The following TNFRSF11B variants were observed in gnomAD, a reference collection of about 807,000 sequenced individuals.
The protein encoded by TNFRSF11B is TNF receptor superfamily member 11b.
Under a neutral mutation model 43.4 loss-of-function variants are expected in TNFRSF11B, and 16 were observed. That is an observed-to-expected ratio of 0.37 (90% CI 0.25 to 0.56). TNFRSF11B has a LOEUF of 0.56. Among genes scored for constraint, TNFRSF11B ranks in the 20% least tolerant of loss-of-function variants. TNFRSF11B has a pLI of 0.80. For synonymous variants in TNFRSF11B, 185 were observed against 181.8 expected (o/e 1.02, Z -0.14); for missense variants, 444 against 490.1 (o/e 0.91, Z 0.89).
At chr8:118,947,408 T>C (rs1315213703) in intron 1 of TNFRSF11B, among the ~76,000 whole-genome samples, 1 of 152,146 alleles carries the variant, frequency 6.6e-6, no homozygotes, top group East Asian at 1.9e-4. Flanking sequence ...ATGAACAAGA[T>C]GAAAATCTGC....
intron 4 of TNFRSF11B, among the ~76,000 whole-genome samples, chr8:118,925,218 C>T (rs1812231828): frequency 6.6e-6 from 1 of 152,214 alleles, no homozygotes; most frequent in African/African-American, 2.4e-5. Flanking sequence ...AGAGGACTAC[C>T]TCCATGAGGA....
chr8:118,938,105 G>T (rs990957828), intron 1 of TNFRSF11B, among the ~76,000 whole-genome samples: 3 of 151,888 alleles, frequency 2.0e-5, no homozygotes, highest in Admixed American at 6.6e-5. Context: ...TATGCAAGAA[G>T]AAAAAAAGGA....
intron 4 of TNFRSF11B, among the ~76,000 whole-genome samples, 169 bp from the exon 5 acceptor site, chr8:118,924,931 G>C (rs927773377): frequency 4.6e-5 from 7 of 152,128 alleles, no homozygotes; most frequent in Non-Finnish European, 1.0e-4. Context: ...TCTAAGAACT[G>C]AGATAAATAT....
At chr8:118,930,933 G>T (rs1248169355) in intron 2 of TNFRSF11B, among the ~76,000 whole-genome samples, 1 of 152,116 alleles carries the variant, frequency 6.6e-6, no homozygotes, top group Admixed American at 6.6e-5. Context: ...CTCTATAACT[G>T]ATGGTACTTT....
At position 118,924,066 on chromosome 8, in the gene TNFRSF11B, A is replaced by G. The variant is rs1015462248; in HGVS notation, c.*308T>C. On this transcript the variant is annotated 3_prime_UTR_variant, in exon 5 of 5. Transcript: ENST00000297350. ...AGCTATTTAAGTTAGACATTCCCAT[A>G]TTTAGTAAGGCACAATGGAGTCTAG... The G allele has an allele frequency of 7.3e-5, 18 of 245,928 alleles. No homozygotes were observed. The highest frequency in any genetic ancestry group is 1.1e-4 in the Non-Finnish European group (14 of 125,400). 15.2% of individuals were successfully genotyped at this position (245,928 alleles called of 1,614,324 possible).
At chr8:118,946,516 CATAG>C (rs1308272441) in intron 1 of TNFRSF11B, among the ~76,000 whole-genome samples, 3 of 152,286 alleles carry the variant, frequency 2.0e-5, no homozygotes, top group East Asian at 1.9e-4. Flanking sequence ...TTTCTTCTAG[CATAG>C]ATAGTTTACG....
chr8:118,947,684 C>T (rs543366934), intron 1 of TNFRSF11B, among the ~76,000 whole-genome samples: 2 of 152,238 alleles, frequency 1.3e-5, no homozygotes, highest in East Asian at 1.9e-4. Context: ...AATTGTTATA[C>T]AAACTTAATT....
chr8:118,951,730 G>A, intron 1 of TNFRSF11B, 62 bp downstream of exon 1: 1 of 1,506,086 alleles, frequency 6.6e-7, no homozygotes, highest in Non-Finnish European at 9.1e-7. Context: ...GGGAGGTTGG[G>A]AGACCAGGTG....
rs1812218369 is a variant in TNFRSF11B, at chr8:118,924,174, C to T, written c.*200G>A. The T allele has an allele frequency of 1.0e-5, 6 of 582,436 alleles. No individual in the cohort carries two copies. Among genetic ancestry groups the T allele is most frequent in the East Asian group, 8.8e-5 (3 of 34,220 alleles). 36.1% of individuals were successfully genotyped at this position (582,436 alleles called of 1,614,324 possible). ...TCAGTAGATAACGATCCAGATCTGA[C>T]AGTTGGATTAACCATTTGGGGTTTA... On this transcript the variant is annotated 3_prime_UTR_variant, in exon 5 of 5. Transcript: ENST00000297350.
chr8:118,932,893 C>T (rs188556114), intron 2 of TNFRSF11B, 38 bp downstream of exon 2: 1,081 of 1,613,000 alleles, frequency 6.7e-4, no homozygotes, highest in Admixed American at 1.0e-3. Flanking sequence ...TCTGACTTTG[C>T]ATGATCCTAA....
intron 1 of TNFRSF11B, 135 bp downstream of exon 1, chr8:118,951,657 C>A: frequency 2.3e-6 from 2 of 864,162 alleles, no homozygotes; most frequent in South Asian, 3.0e-5. Flanking sequence ...GTTTCCTGCT[C>A]CAGCCTAACC....
At position 118,933,261 on chromosome 8, in the gene TNFRSF11B, A is replaced by T; in HGVS notation, c.70T>A (p.Phe24Ile). The T allele has an allele frequency of 6.2e-7, 1 of 1,614,056 alleles. No individual in the cohort carries two copies. The highest frequency in any genetic ancestry group is 1.3e-5 in the African/African-American group (1 of 75,050). Reference sequence around the variant, plus strand: ...TCATAATGAAGGTACTTTGGAGGAAACGTTTCCTGGGTGGTCCACTTAATG... The same window carrying T: ...TCATAATGAAGGTACTTTGGAGGAATCGTTTCCTGGGTGGTCCACTTAATG... ...ISIKWTTQETFPPKYLHYDEE... is the reference protein window; with the variant it reads ...ISIKWTTQETIPPKYLHYDEE... Residue 24 changes from phenylalanine (F) to isoleucine (I), a missense_variant, in exon 2 of 5, where the codon TTT (phenylalanine) becomes ATT (isoleucine). Coordinates refer to ENST00000297350, the MANE Select transcript of TNFRSF11B (RefSeq NM_002546.4).
intron 3 of TNFRSF11B, among the ~76,000 whole-genome samples, chr8:118,928,335 T>C (rs1207194278): frequency 5.3e-5 from 8 of 152,208 alleles, no homozygotes; most frequent in Admixed American, 4.6e-4. Flanking sequence ...TTTGTCATCA[T>C]GTTTATATCA....
intron 2 of TNFRSF11B, among the ~76,000 whole-genome samples, chr8:118,931,063 A>G (rs1812321912): frequency 6.6e-6 from 1 of 152,250 alleles, no homozygotes; most frequent in African/African-American, 2.4e-5. Flanking sequence ...ATTTGGCTTT[A>G]CAGTTGAGAA....
At chr8:118,929,699 A>T (rs1047464910) in intron 2 of TNFRSF11B, among the ~76,000 whole-genome samples, 7 of 152,256 alleles carry the variant, frequency 4.6e-5, no homozygotes, top group African/African-American at 1.7e-4. Context: ...CCACAACTAA[A>T]GACGCTATTA....
chr8:118,937,786 T>C (rs1812423866), intron 1 of TNFRSF11B, among the ~76,000 whole-genome samples: 1 of 152,192 alleles, frequency 6.6e-6, no homozygotes, highest in Non-Finnish European at 1.5e-5. Flanking sequence ...TCAATTAGTT[T>C]CATAAATATC....
chr8:118,926,547 T>C lies in TNFRSF11B; in HGVS notation c.764A>G (p.Lys255Arg). ...SSQEQTFQLL[K>R]LWKHQNKDQD... ...GTCTTTGTTTTGATGTTTCCATAAC[T>C]TCAGCAGCTGGAAAGTCTGTTCTTG... Residue 255 changes from lysine (K) to arginine (R), a missense_variant, in exon 4 of 5, where the codon AAG (lysine) becomes AGG (arginine). Coordinates refer to ENST00000297350, the MANE Select transcript of TNFRSF11B (RefSeq NM_002546.4). 1 of 1,614,154 alleles carries C rather than the reference T, an allele frequency of 6.2e-7. No homozygotes were observed. The highest frequency in any genetic ancestry group is 8.5e-7 in the Non-Finnish European group (1 of 1,179,996).
rs772668399 is a variant in TNFRSF11B at position 118,928,868 on chromosome 8, C to T, written c.462G>A (p.Thr154=). The change falls in exon 3 of 5, where the codon ACG becomes ACA. Residue 154 remains threonine (T), a synonymous_variant. Transcript: ENST00000297350. ...RCPDGFFSNE[T]SSKAPCRKHT... ...GTTTTCTACAGGGTGCTTTAGATGA[C>T]GTCTCATTTGAGAAGAACCCATCTG... 18 of 1,614,162 alleles carry T rather than the reference C, an allele frequency of 1.1e-5. No individual in the cohort carries two copies. The highest frequency in any genetic ancestry group is 5.0e-5 in the Admixed American group (3 of 60,016).
At chr8:118,933,451 T>C in intron 1 of TNFRSF11B, 151 bp from the exon 2 acceptor site, 2 of 1,075,478 alleles carry the variant, frequency 1.9e-6, no homozygotes, top group Non-Finnish European at 2.7e-6. Context: ...AATTTTTGCC[T>C]CCGGGAGCTT....
Sources: gnomAD v4.1 joint callset for allele counts (sites outside exome capture counted in the v4.1 genomes callset) on GRCh38, gnomAD v4.1.1 for gene constraint, MANE v1.5 for transcripts, NCBI Gene and HGNC (gene_info 2026-07-23, HGNC 2026-07-21) for gene names.